The following MERTK variants were observed in gnomAD, a reference collection of about 807,000 sequenced individuals.
MERTK encodes tyrosine-protein kinase Mer.
Under a neutral mutation model 99.3 loss-of-function variants are expected in MERTK, and 69 were observed. That is an observed-to-expected ratio of 0.70 (90% CI 0.57 to 0.85). MERTK has a LOEUF of 0.85. MERTK is among the 40% of genes least tolerant of loss of function. MERTK has a pLI of 0.00. For synonymous variants in MERTK, 426 were observed against 467.6 expected (o/e 0.91, Z 1.15); for missense variants, 1,125 against 1,249.4 (o/e 0.90, Z 1.50).
intron 8 of MERTK, 25 bp downstream of exon 8, chr2:111,983,018 C>A (rs544290537): frequency 3.8e-6 from 6 of 1,594,862 alleles, no homozygotes; most frequent in Admixed American, 1.7e-5. Context: ...TAGAAGAGCA[C>A]GATTAGTCAT....
At chr2:111,913,651 C>T (rs1684292301) in intron 1 of MERTK, among the ~76,000 whole-genome samples, 1 of 152,154 alleles carries the variant, frequency 6.6e-6, no homozygotes, top group Admixed American at 6.5e-5. Context: ...TCAAGCGATT[C>T]TTGTGCCTCA....
intron 1 of MERTK, among the ~76,000 whole-genome samples, chr2:111,911,511 C>G (rs1243362432): frequency 6.6e-6 from 1 of 151,034 alleles, no homozygotes; most frequent in East Asian, 2.0e-4. Context: ...GCCTCAGTCT[C>G]CCGAGTAGTT....
intron 2 of MERTK, among the ~76,000 whole-genome samples, chr2:111,939,082 CTG>C (rs1378372995): frequency 6.6e-6 from 1 of 152,094 alleles, no homozygotes; most frequent in African/African-American, 2.4e-5. Flanking sequence ...ATACTTGAAA[CTG>C]AGTAAATTAT....
chr2:111,980,195 G>A (rs907774493), intron 7 of MERTK, among the ~76,000 whole-genome samples: 1 of 152,172 alleles, frequency 6.6e-6, no homozygotes, highest in African/African-American at 2.4e-5. Flanking sequence ...AGTGGGGGAG[G>A]AGGGGAAGGT....
At chr2:111,920,893 T>A (rs1284191603) in intron 1 of MERTK, among the ~76,000 whole-genome samples, 1 of 152,092 alleles carries the variant, frequency 6.6e-6, no homozygotes, top group East Asian at 1.9e-4. Context: ...TGACCTCAGG[T>A]GATCTGCCCG....
chr2:112,023,804 C>T (rs963149215), intron 18 of MERTK, among the ~76,000 whole-genome samples: 2 of 152,090 alleles, frequency 1.3e-5, no homozygotes, highest in African/African-American at 4.8e-5. Flanking sequence ...AAGAACATTT[C>T]AGGACTGTGG....
chr2:111,968,880 A>G lies in MERTK; in HGVS notation c.960+628A>G, dbSNP rs114732606. ...GTCCCGAAACACATGCTTGTGACCA[A>G]GAGTTGAGGAACCCAGGCACTCCCC... On this transcript the variant is annotated intron_variant, in intron 6 of 18. Transcript: ENST00000295408. 6.5e-3 allele frequency among the ~76,000 whole-genome samples: 983 copies of G among 152,280 alleles called. 13 individuals carry two copies. The highest frequency in any genetic ancestry group is 0.023 in the African/African-American group (947 of 41,534).
chr2:111,946,292 A>G (rs1415318946), intron 3 of MERTK, among the ~76,000 whole-genome samples: 2 of 152,202 alleles, frequency 1.3e-5, no homozygotes, highest in East Asian at 3.9e-4. Context: ...AATCCCAGAA[A>G]AATGCCCAGA....
chr2:111,982,784 G>T (rs889076739), intron 7 of MERTK, 58 bp from the exon 8 acceptor site: 88 of 1,578,290 alleles, frequency 5.6e-5, no homozygotes, highest in Non-Finnish European at 7.2e-5. Context: ...ACCCAGATGA[G>T]AATACATCTG....
chr2:111,986,672 T>A (rs911693021), intron 8 of MERTK, among the ~76,000 whole-genome samples: 15 of 152,220 alleles, frequency 9.9e-5, no homozygotes, highest in African/African-American at 2.9e-4. Flanking sequence ...CTCATTGCCC[T>A]TTGTTCAGAA....
At chr2:111,979,753 T>C (rs1676328526) in intron 7 of MERTK, among the ~76,000 whole-genome samples, 1 of 152,214 alleles carries the variant, frequency 6.6e-6, no homozygotes, top group Non-Finnish European at 1.5e-5. Context: ...TTCAAGTTTT[T>C]TTCATTGAAA....
At chr2:112,022,431 A>G (rs751033479) in intron 18 of MERTK, 37 bp downstream of exon 18, 4 of 1,614,068 alleles carry the variant, frequency 2.5e-6, no homozygotes, top group Non-Finnish European at 3.4e-6. Flanking sequence ...CATACTCTGC[A>G]TGGGGCAGCC....
rs759172948 is a variant in MERTK at position 111,975,313 on chromosome 2, A to G, written c.985A>G (p.Asn329Asp). The change falls in exon 7 of 19, where the codon AAT becomes GAT. Residue 329 changes from asparagine (N) to aspartate (D), a missense_variant. By Grantham distance (23) the Asn-to-Asp change is conservative (BLOSUM62 1). Transcript: ENST00000295408. ...IQVKEADPLSNGSVMIFNTSA... is the reference protein window; with the variant it reads ...IQVKEADPLSDGSVMIFNTSA... ...GGTCAAGGAAGCTGATCCGCTGAGT[A>G]ATGGCTCAGTCATGATTTTTAACAC... 2 of 1,614,224 alleles carry G rather than the reference A, an allele frequency of 1.2e-6. No individual in the cohort carries two copies. The highest frequency in any genetic ancestry group is 2.2e-5 in the South Asian group (2 of 91,086).
intron 6 of MERTK, among the ~76,000 whole-genome samples, chr2:111,972,007 C>T (rs1193651763): frequency 1.3e-5 from 2 of 152,136 alleles, no homozygotes; most frequent in Non-Finnish European, 2.9e-5. Flanking sequence ...GGCCTCTTTC[C>T]CTAGAGGTAG....
At position 111,912,062 on chromosome 2, in the gene MERTK, G is replaced by C. The variant is rs554224207; in HGVS notation, c.61+13266G>C. ...CTGTCACCCCGGCTGGAGTGCAGTG[G>C]TGCGATCTCGGCTCACTGCAACCTC... On this transcript the variant is annotated intron_variant, in intron 1 of 18. Transcript: ENST00000295408. 9.9e-5 allele frequency among the ~76,000 whole-genome samples: 15 copies of C among 151,886 alleles called. No individual in the cohort carries two copies. In the East Asian group the frequency reaches 2.9e-3, roughly 29 times the overall value.
Position 111,925,874 on chromosome 2 carries a change from C to T in MERTK, c.62-3246C>T, listed in dbSNP as rs142818686. ...CTGAGACAGAGTCTCGCTCTGTCCC[C>T]CAGGCTAGAGTACAGTGGCGCGATC... On this transcript the variant is annotated intron_variant, in intron 1 of 18. Coordinates refer to ENST00000295408, the MANE Select transcript of MERTK (RefSeq NM_006343.3). 6.2e-3 allele frequency among the ~76,000 whole-genome samples: 944 copies of T among 151,680 alleles called. 13 individuals are homozygous for T. The highest frequency in any genetic ancestry group is 0.022 in the African/African-American group (910 of 41,310).
intron 14 of MERTK, among the ~76,000 whole-genome samples, chr2:112,009,545 T>C (rs1384845381): frequency 6.6e-6 from 1 of 152,218 alleles, no homozygotes; most frequent in Non-Finnish European, 1.5e-5. Context: ...TCAATACTAG[T>C]TCAGTATTGA....
intron 1 of MERTK, among the ~76,000 whole-genome samples, chr2:111,914,990 A>G (rs796502389): frequency 5.3e-5 from 8 of 152,352 alleles, no homozygotes; most frequent in African/African-American, 1.9e-4. Flanking sequence ...AGCATTTGGC[A>G]TAATTCTCCA....
chr2:111,970,019 G>GTT (rs1473264803), intron 6 of MERTK, among the ~76,000 whole-genome samples: 1 of 151,682 alleles, frequency 6.6e-6, no homozygotes, highest in African/African-American at 2.4e-5. Context: ...GCTCAGTTTT[G>GTT]TTTTTTGTTT....
Sources: allele counts gnomAD v4.1 joint callset (sites outside exome capture counted in the v4.1 genomes callset), GRCh38; gene constraint gnomAD v4.1.1; transcripts MANE v1.5; gene names NCBI Gene and HGNC (gene_info 2026-07-23, HGNC 2026-07-21).